GPHN: variants seen among roughly 807,000 people sequenced by gnomAD.
The protein encoded by GPHN is gephyrin.
Under a neutral mutation model 95.5 loss-of-function variants are expected in GPHN, and 17 were observed. That is an observed-to-expected ratio of 0.18 (90% CI 0.12 to 0.27). The LOEUF (loss-of-function observed/expected upper bound fraction) is 0.27. Ranked by LOEUF, GPHN falls within the 10% of genes least tolerant of loss-of-function variation. The pLI is 1.00. For missense variants in GPHN, 660 were observed against 978.1 expected (o/e 0.67, Z 4.34); for synonymous variants, 320 against 322.5 (o/e 0.99, Z 0.08).
In GPHN at chr14:67,180,784, A is replaced by C. The variant is rs1360019703; in HGVS notation, c.2177-20A>C. ...ACGCCATGATGCTTATGCTGCTGTA[A>C]TAAGAGTATTTCTTTCTAGGTAATC... On this transcript the variant is annotated intron_variant, in intron 22 of 22. Transcript: ENST00000478722. 6.2e-7 allele frequency: 1 copy of C among 1,612,124 alleles called. No individual in the cohort carries two copies. Among genetic ancestry groups the C allele is most frequent in the Non-Finnish European group, 8.5e-7 (1 of 1,178,862 alleles).
intron 11 of GPHN, 109 bp downstream of exon 11, chr14:67,058,895 A>T (rs556330856): frequency 1.0e-6 from 1 of 977,032 alleles, no homozygotes; most frequent in Non-Finnish European, 1.6e-6. Flanking sequence ...ATTAACCATT[A>T]TTACAGTTAT....
rs2075027823 is a variant in GPHN at position 67,046,524 on chromosome 14, C to G, written c.1007-12125C>G. Among the ~76,000 whole-genome samples the G allele has an allele frequency of 2.6e-5, 4 of 152,174 alleles. No individual in the cohort carries two copies. In the South Asian group the frequency reaches 8.3e-4, roughly 32 times the overall value. On this transcript the variant is annotated intron_variant, in intron 10 of 22. Transcript: ENST00000478722. ...TATTCTAAGGAACTGAAATTTTATC[C>G]TGTAAGTGATAATCAACTATTGATA...
At chr14:67,258,635 C>T in the GPHN span, among the ~76,000 whole-genome samples, 2 of 152,184 alleles carry the variant, frequency 1.3e-5, no homozygotes, top group East Asian at 1.9e-4. Context: ...TTGCCCAGGC[C>T]GGTCTTGAAC....
the GPHN span, among the ~76,000 whole-genome samples, chr14:67,420,512 A>G: frequency 6.6e-6 from 1 of 152,212 alleles, no homozygotes; most frequent in Non-Finnish European, 1.5e-5. Context: ...AGTTCCCTGT[A>G]GAGAAACTGC....
At chr14:67,598,317 C>T in the GPHN span, among the ~76,000 whole-genome samples, 118,570 of 152,038 alleles carry the variant, frequency 0.78, 46,465 homozygotes, top group Middle Eastern at 0.84. Context: ...ATGAGAGAGA[C>T]AAGTACAGAA....
chr14:67,224,565 T>A, the GPHN span: 1 of 219,204 alleles, frequency 4.6e-6, no homozygotes. Context: ...CGGCCCCATT[T>A]CTCTACTTTC....
At chr14:67,291,223 G>A in the GPHN span, among the ~76,000 whole-genome samples, 1 of 148,868 alleles carries the variant, frequency 6.7e-6, no homozygotes, top group Non-Finnish European at 1.5e-5. Flanking sequence ...GCAGGGAAGA[G>A]ACTACCAGTG....
At chr14:67,500,166 A>AAAAT in the GPHN span, among the ~76,000 whole-genome samples, 25 of 152,212 alleles carry the variant, frequency 1.6e-4, no homozygotes, top group African/African-American at 5.8e-4. Context: ...CCTGTCTCTT[A>AAAAT]AAATAAATAA....
At chr14:66,615,373 A>G (rs940342812) in intron 1 of GPHN, among the ~76,000 whole-genome samples, 10 of 150,892 alleles carry the variant, frequency 6.6e-5, no homozygotes, top group South Asian at 4.2e-4. Flanking sequence ...GCCAGCATCT[A>G]TTGTTTCTTG....
the GPHN span, among the ~76,000 whole-genome samples, chr14:67,515,704 T>G: frequency 6.6e-6 from 1 of 152,228 alleles, no homozygotes; most frequent in African/African-American, 2.4e-5. Flanking sequence ...TTTGAGTGTC[T>G]GTCAGGCCCG....
intron 3 of GPHN, among the ~76,000 whole-genome samples, chr14:66,820,879 GA>G (rs1215953865): frequency 1.3e-5 from 2 of 152,108 alleles, no homozygotes; most frequent in Admixed American, 6.5e-5. Flanking sequence ...TTAGGAGGGG[GA>G]TTTTTGTGAT....
chr14:66,867,194 T>A (rs1410772224), intron 4 of GPHN, among the ~76,000 whole-genome samples: 1 of 152,140 alleles, frequency 6.6e-6, no homozygotes, highest in African/African-American at 2.4e-5. Context: ...TAAGATAATA[T>A]CTCTCAAGTA....
At chr14:67,381,780 A>C in the GPHN span, 3 of 885,550 alleles carry the variant, frequency 3.4e-6, no homozygotes, top group South Asian at 3.5e-5. Context: ...TTTTTTAATC[A>C]CATTTCATAA....
chr14:67,413,791 A>G, the GPHN span, among the ~76,000 whole-genome samples: 1 of 152,322 alleles, frequency 6.6e-6, no homozygotes, highest in East Asian at 1.9e-4. Flanking sequence ...ATTCCAATTC[A>G]GAATGAACAT....
At chr14:67,440,056 G>C in the GPHN span, among the ~76,000 whole-genome samples, 2 of 152,080 alleles carry the variant, frequency 1.3e-5, no homozygotes, top group African/African-American at 4.8e-5. Context: ...GGCTGGTCTT[G>C]AACTCCTGGC....
the GPHN span, among the ~76,000 whole-genome samples, chr14:67,218,807 C>T: frequency 1.8e-4 from 28 of 152,098 alleles, no homozygotes; most frequent in Middle Eastern, 3.4e-3. Context: ...GTGTATGCAG[C>T]AGTTTGGCTG....
At chr14:67,658,690 TTAC>T in the GPHN span, among the ~76,000 whole-genome samples, 1 of 152,268 alleles carries the variant, frequency 6.6e-6, no homozygotes, top group South Asian at 2.1e-4. Context: ...AAAGTCACTT[TTAC>T]AACTCCCACT....
Position 66,922,663 on chromosome 14 carries a change from C to T in GPHN, c.457-3C>T. ...AATTTTTTTTTCTTTCTCTTGCATACAGGAATGCTTTCAATTCATACTGCC... is the reference window on the plus strand; with the variant it reads ...AATTTTTTTTTCTTTCTCTTGCATATAGGAATGCTTTCAATTCATACTGCC... On this transcript the variant is annotated splice_polypyrimidine_tract_variant and splice_region_variant and intron_variant, in intron 6 of 22. Coordinates refer to ENST00000478722, the MANE Select transcript of GPHN (RefSeq NM_020806.5). 6.2e-7 allele frequency: 1 copy of T among 1,607,860 alleles called. No homozygotes were observed. Among genetic ancestry groups the T allele is most frequent in the Non-Finnish European group, 8.5e-7 (1 of 1,175,524 alleles).
At chr14:67,028,945 G>A (rs1270836085) in intron 10 of GPHN, among the ~76,000 whole-genome samples, 3 of 152,088 alleles carry the variant, frequency 2.0e-5, no homozygotes, top group African/African-American at 4.8e-5. Flanking sequence ...GCCTATACCA[G>A]TGTCCTAAAG....
Sources: gnomAD v4.1 joint callset for allele counts (sites outside exome capture counted in the v4.1 genomes callset) on GRCh38, gnomAD v4.1.1 for gene constraint, MANE v1.5 for transcripts, NCBI Gene and HGNC (gene_info 2026-07-23, HGNC 2026-07-21) for gene names.